FBXW11: variants seen among roughly 807,000 people sequenced by gnomAD.
FBXW11 encodes the protein F-box and WD repeat domain containing 11, also known as F-box/WD repeat-containing protein 11.
Under a neutral mutation model 77.6 loss-of-function variants are expected in FBXW11, and 19 were observed. The ratio of observed to expected loss-of-function variants is 0.24; its 90% CI spans 0.17 to 0.36. FBXW11 has a LOEUF of 0.36. Among genes scored for constraint, FBXW11 ranks in the 10% least tolerant of loss-of-function variants. The probability of loss-of-function intolerance (pLI) is 1.00; values close to 1 mark genes in which losing one functional copy is unlikely to be tolerated. For synonymous variants in FBXW11, 235 were observed against 249.4 expected, an observed-to-expected ratio of 0.94 and a Z score of 0.54; for missense variants, 334 against 704.2, an observed-to-expected ratio of 0.47 and a Z score of 5.95.
At chr5:171,873,516 C>T (rs1233479693) in intron 9 of FBXW11, among the ~76,000 whole-genome samples, 2 of 152,116 alleles carry the variant, frequency 1.3e-5, no homozygotes, top group Non-Finnish European at 1.5e-5. Flanking sequence ...GCAGCATGCA[C>T]CTGTGGTCCC....
intron 6 of FBXW11, among the ~76,000 whole-genome samples, chr5:171,891,936 C>T (rs1040110354): frequency 5.3e-5 from 8 of 151,982 alleles, no homozygotes; most frequent in African/African-American, 1.7e-4. Flanking sequence ...CTCATTGGGT[C>T]GCTCCCTAAT....
intron 2 of FBXW11, among the ~76,000 whole-genome samples, chr5:171,942,716 C>G (rs1253235441): frequency 6.6e-6 from 1 of 152,142 alleles, no homozygotes; most frequent in Admixed American, 6.5e-5. Context: ...GTAGGACGAT[C>G]ACCTGAGCCC....
rs973097244 is a variant in FBXW11, at chr5:172,006,583, G to A, written c.-81C>T. The A allele has an allele frequency of 3.1e-5, 43 of 1,404,370 alleles. No individual in the cohort carries two copies. The highest frequency in any genetic ancestry group is 1.2e-4 in the South Asian group (8 of 64,654). 87.0% of individuals were successfully genotyped at this position (1,404,370 alleles called of 1,614,324 possible). A position where few individuals can be genotyped will look rare whatever the true frequency, so the allele number is the denominator to read the frequency against. ...GGAGGAGGCGACGGCGGAGGCGGCA[G>A]AGGCGGAGGCGGCTATCGCACCCAC... is the stretch of plus-strand genomic sequence containing the variant. On this transcript the variant is annotated 5_prime_UTR_variant, in exon 1 of 14. Transcript: ENST00000517395.
Position 171,900,053 on chromosome 5 carries a change from C to A in FBXW11, c.484G>T (p.Ala162Ser). ...AGCTCTGCTGCACACAGAGACCTGGCATCCAGGTACGAAAGAATGTTTTCT... is the reference window on the plus strand; with the variant it reads ...AGCTCTGCTGCACACAGAGACCTGGAATCCAGGTACGAAAGAATGTTTTCT... ...IAENILSYLD[A>S]RSLCAAELVC... Residue 162 changes from alanine (A) to serine (S), a missense_variant, in exon 5 of 14, where the codon GCC (alanine) becomes TCC (serine). Ala to Ser is a moderately conservative substitution (Grantham distance 99). Around this residue, in one of 10 missense-constraint regions of FBXW11, gnomAD observed 56 missense variants for 144.9 expected, o/e 0.39. Coordinates refer to ENST00000517395, the MANE Select transcript of FBXW11 (RefSeq NM_001378974.1). 1 of 1,613,478 alleles carries A rather than the reference C, an allele frequency of 6.2e-7. No individual in the cohort carries two copies. Among genetic ancestry groups the A allele is most frequent in the South Asian group, 1.1e-5 (1 of 91,006 alleles).
chr5:171,918,599 C>T (rs1470840512), intron 2 of FBXW11, among the ~76,000 whole-genome samples: 1 of 152,148 alleles, frequency 6.6e-6, no homozygotes, highest in Non-Finnish European at 1.5e-5. Context: ...CTTATGTCTA[C>T]CAAGGAGCAT....
intron 7 of FBXW11, among the ~76,000 whole-genome samples, chr5:171,890,471 G>A (rs1392346954): frequency 7.5e-6 from 1 of 133,718 alleles, no homozygotes; most frequent in Admixed American, 8.5e-5. Context: ...GCAGGTGACA[G>A]AGAGAGACTC....
At chr5:171,990,897 T>C (rs1388739457) in intron 1 of FBXW11, among the ~76,000 whole-genome samples, 2 of 152,124 alleles carry the variant, frequency 1.3e-5, no homozygotes, top group Non-Finnish European at 2.9e-5. Flanking sequence ...CAATCTTGAC[T>C]CACTGCAACC....
intron 2 of FBXW11, among the ~76,000 whole-genome samples, chr5:171,952,128 C>T (rs1008428150): frequency 2.6e-5 from 4 of 151,826 alleles, no homozygotes; most frequent in Non-Finnish European, 2.9e-5. Context: ...CAAAGTCAAG[C>T]TGGGGTTCCA....
In FBXW11 at chr5:171,897,357, GCCAA is replaced by G. The variant is rs746577394; in HGVS notation, c.714+1643_714+1646del. 4.6e-5 allele frequency among the ~76,000 whole-genome samples: 7 copies of G among 152,190 alleles called. No homozygotes were observed. In the South Asian group the frequency reaches 1.5e-3, roughly 32 times the overall value. On this transcript the variant is annotated intron_variant, in intron 6 of 13. Coordinates refer to ENST00000517395, the MANE Select transcript of FBXW11 (RefSeq NM_001378974.1). ...CAAAAATCTGGAGAAGACTTTTGTG[GCCAA>G]CCAGTGGGTTTTTCCAAACCACACT... is the stretch of plus-strand genomic sequence containing the variant.
At chr5:171,929,270 T>G (rs1319247874) in intron 2 of FBXW11, among the ~76,000 whole-genome samples, 1 of 146,000 alleles carries the variant, frequency 6.8e-6, no homozygotes, top group African/African-American at 2.5e-5. Context: ...ACTCAGGAGC[T>G]GAGGCACAAG....
At chr5:171,918,548 C>T (rs1367788984) in intron 2 of FBXW11, among the ~76,000 whole-genome samples, 1 of 152,096 alleles carries the variant, frequency 6.6e-6, no homozygotes, top group East Asian at 1.9e-4. Context: ...ATTTGAAATA[C>T]CAACCAGTTT....
At chr5:171,931,967 C>T (rs1762231392) in intron 2 of FBXW11, among the ~76,000 whole-genome samples, 2 of 151,318 alleles carry the variant, frequency 1.3e-5, no homozygotes, top group African/African-American at 2.4e-5. Context: ...CTCAACCTCC[C>T]AGGCTCAAGT....
chr5:171,962,555 G>A (rs1221618764), intron 1 of FBXW11, among the ~76,000 whole-genome samples: 3 of 152,008 alleles, frequency 2.0e-5, no homozygotes, highest in Admixed American at 6.6e-5. Context: ...CATATCCACC[G>A]TATAATCAAA....
At chr5:171,951,026 G>C (rs1230091055) in intron 2 of FBXW11, among the ~76,000 whole-genome samples, 2 of 152,012 alleles carry the variant, frequency 1.3e-5, no homozygotes, top group Non-Finnish European at 2.9e-5. Flanking sequence ...GTTTCTTAGG[G>C]GGAAGGAAGG....
intron 2 of FBXW11, among the ~76,000 whole-genome samples, chr5:171,954,345 T>A (rs1763509389): frequency 6.6e-6 from 1 of 152,178 alleles, no homozygotes; most frequent in Admixed American, 6.5e-5. Flanking sequence ...TCAATTCACC[T>A]CTATAATTTC....
intron 1 of FBXW11, among the ~76,000 whole-genome samples, chr5:171,984,023 T>C (rs1182250999): frequency 2.6e-5 from 4 of 151,002 alleles, no homozygotes; most frequent in African/African-American, 9.7e-5. Flanking sequence ...AACGGATGAA[T>C]TTTACAGACA....
chr5:171,989,144 T>C (rs1765602526), intron 1 of FBXW11, among the ~76,000 whole-genome samples: 1 of 152,186 alleles, frequency 6.6e-6, no homozygotes, highest in Non-Finnish European at 1.5e-5. Context: ...ACCACTGCAC[T>C]CCAGCCTGGG....
At chr5:171,939,439 G>A (rs1762635432) in intron 2 of FBXW11, among the ~76,000 whole-genome samples, 1 of 152,088 alleles carries the variant, frequency 6.6e-6, no homozygotes, top group Non-Finnish European at 1.5e-5. Context: ...GGCTACACCT[G>A]TAATCCCAGC....
intron 6 of FBXW11, among the ~76,000 whole-genome samples, chr5:171,893,842 T>A (rs751897668): frequency 5.3e-5 from 8 of 152,196 alleles, no homozygotes; most frequent in Non-Finnish European, 8.8e-5. Flanking sequence ...GTTCTTAGGT[T>A]TAAGAGGTAT....
Sources: allele counts gnomAD v4.1 joint callset (sites outside exome capture counted in the v4.1 genomes callset), GRCh38; gene constraint gnomAD v4.1.1; regional missense constraint gnomAD v4.1.1; transcripts MANE v1.5; gene names NCBI Gene and HGNC (gene_info 2026-07-23, HGNC 2026-07-21).